The following RAB44 variants were observed in gnomAD, a reference collection of about 807,000 sequenced individuals.
RAB44 encodes the protein RAB44, member RAS oncogene family.
A neutral mutation model predicts 93.3 loss-of-function variants in RAB44; 67 were observed. The ratio of observed to expected loss-of-function variants is 0.72; its 90% CI spans 0.59 to 0.88. The LOEUF is 0.88. Among genes scored for constraint, RAB44 ranks in the 40% least tolerant of loss-of-function variants. The pLI, the probability that RAB44 is intolerant of heterozygous loss-of-function variation, is 0.00. For synonymous variants in RAB44, 427 were observed against 520.3 expected, an observed-to-expected ratio of 0.82 and a Z score of 2.44; for missense variants, 1,064 against 1,261.7, an observed-to-expected ratio of 0.84 and a Z score of 2.37.
At chr6:36,720,789 G>A (rs1370019948) in intron 8 of RAB44, among the ~76,000 whole-genome samples, 1 of 152,200 alleles carries the variant, frequency 6.6e-6, no homozygotes, top group Non-Finnish European at 1.5e-5. Context: ...ACATGCACAT[G>A]TGTGCATGTA....
rs1320021414 is a variant in RAB44, at chr6:36,721,831, C to A, written c.1697C>A (p.Pro566His). 2.4e-6 allele frequency: 3 copies of A among 1,234,664 alleles called. No homozygotes were observed. The allele number at this position is 1,234,664 out of a possible 1,614,324, so 76.5% of individuals were successfully genotyped here. A position where few individuals can be genotyped will look rare whatever the true frequency, so the allele number is the denominator to read the frequency against. The change falls in exon 9 of 14, where the codon CCC (proline) becomes CAC (histidine). Residue 566 changes from proline to histidine, a missense_variant. Coordinates refer to ENST00000612677, the MANE Select transcript of RAB44 (RefSeq NM_001257357.2). Reference protein sequence around the residue: ...PPTMTERETQPGPSPTTALTG... With the variant: ...PPTMTERETQHGPSPTTALTG... ...ACCATGACTGAGCGGGAAACCCAGC[C>A]CGGACCCTCACCCACAACTGCCCTC...
At chr6:36,724,179 A>ATTTT (rs1056678265) in intron 9 of RAB44, among the ~76,000 whole-genome samples, 3 of 143,752 alleles carry the variant, frequency 2.1e-5, no homozygotes, top group Non-Finnish European at 4.6e-5. Context: ...TTATTTATTT[A>ATTTT]TTTTTTGAGA....
rs532192815 is a variant in RAB44, at chr6:36,721,547, G to A, written c.1413G>A (p.Glu471=). Residue 471 remains glutamate (E), a synonymous_variant, in exon 9 of 14, where the codon GAG becomes GAA. Transcript: ENST00000612677. The part of the protein sequence containing the change: ...VEPHDPDPNQ[E]PGSTPEGRLL... Reference sequence around the variant, plus strand: ...CGCACGACCCGGACCCCAACCAGGAGCCAGGGTCCACACCCGAGGGCCGCC... The same window carrying A: ...CGCACGACCCGGACCCCAACCAGGAACCAGGGTCCACACCCGAGGGCCGCC... 4.1e-6 allele frequency: 5 copies of A among 1,234,484 alleles called. No individual in the cohort carries two copies. The African/African-American group carries it at 7.7e-5, about 19-fold the overall frequency. 76.5% of individuals were successfully genotyped at this position (1,234,484 alleles called of 1,614,324 possible).
rs1763097332 is a variant in RAB44 at position 36,721,956 on chromosome 6, A to AGAGCCCTCACCCTGGGGCCAGCT, written c.1830_1852dup (p.Phe618SerfsTer40). The AGAGCCCTCACCCTGGGGCCAGCT allele has an allele frequency of 8.1e-7, 1 of 1,234,484 alleles. No homozygotes were observed. Among genetic ancestry groups the AGAGCCCTCACCCTGGGGCCAGCT allele is most frequent in the African/African-American group, 1.6e-5 (1 of 64,506 alleles). 76.5% of individuals were successfully genotyped at this position (1,234,484 alleles called of 1,614,324 possible). On this transcript the variant is annotated frameshift_variant, in exon 9 of 14. Transcript: ENST00000612677. LOFTEE classifies it high-confidence loss of function. ...GCCAAGACTGGGGACCCAGAGGGCT[A>AGAGCCCTCACCCTGGGGCCAGCT]GAGCCCTCACCCTGGGGCCAGCTGA...
At chr6:36,727,000 C>T (rs1419567251) in intron 10 of RAB44, among the ~76,000 whole-genome samples, 1 of 130,568 alleles carries the variant, frequency 7.7e-6, no homozygotes, top group South Asian at 2.3e-4. Flanking sequence ...AGGGTTTCAC[C>T]ATGTTGGCCA....
Position 36,731,769 on chromosome 6 carries a change from G to C in RAB44, c.2976-234G>C, listed in dbSNP as rs1406377147. On this transcript the variant is annotated intron_variant, in intron 13 of 13. Transcript: ENST00000612677. This position sits in a 1 kb window ranked among gnomAD's most constrained non-coding sequence, Gnocchi z 4.0. ...TCACTACTCAAGGGAGGGAATGGTG[G>C]CTTCTTTGTCATAGTCAGAGTCCTG... Among the ~76,000 whole-genome samples the C allele has an allele frequency of 6.6e-6, 1 of 152,166 alleles. No homozygotes were observed. The highest frequency in any genetic ancestry group is 1.9e-4 in the East Asian group (1 of 5,192).
At chr6:36,720,767 G>A (rs1763053669) in intron 8 of RAB44, among the ~76,000 whole-genome samples, 1 of 152,174 alleles carries the variant, frequency 6.6e-6, no homozygotes, top group Admixed American at 6.5e-5. Flanking sequence ...AGGCCACATG[G>A]CTAGAAGTAA....
intron 1 of RAB44, among the ~76,000 whole-genome samples, chr6:36,701,929 A>G (rs1762518585): frequency 6.7e-6 from 1 of 150,228 alleles, no homozygotes. Context: ...ACCTTTTCCT[A>G]ATTCACTTAA....
At position 36,721,234 on chromosome 6, in the gene RAB44, A is replaced by G. The variant is rs1252422062; in HGVS notation, c.1100A>G (p.Asn367Ser). ...CCCCTGCCTGGGCTATTTGGGGACA[A>G]CGATGACTGGGACCAGCTACTGAGC... is the stretch of plus-strand genomic sequence containing the variant. ...EAPLPGLFGD[N>S]DDWDQLLSNF... The change falls in exon 9 of 14, where the codon AAC becomes AGC. Residue 367 changes from asparagine (N) to serine (S), a missense_variant. Coordinates refer to ENST00000612677, the MANE Select transcript of RAB44 (RefSeq NM_001257357.2). 5 of 1,226,780 alleles carry G rather than the reference A, an allele frequency of 4.1e-6. No homozygotes were observed. The African/African-American group carries it at 8.5e-5, about 21-fold the overall frequency. The allele number at this position is 1,226,780 out of a possible 1,614,324, so 76.0% of individuals were successfully genotyped here.
intron 9 of RAB44, among the ~76,000 whole-genome samples, chr6:36,724,085 G>A (rs1763171222): frequency 1.3e-5 from 2 of 151,932 alleles, no homozygotes; most frequent in African/African-American, 4.8e-5. Context: ...ACCTATAGCA[G>A]GCTGGCCTGA....
chr6:36,714,043 A>G (rs1436000972), intron 3 of RAB44, 104 bp downstream of exon 3: 6 of 726,160 alleles, frequency 8.3e-6, no homozygotes, highest in Non-Finnish European at 1.4e-5. Flanking sequence ...TTTCCCAGGG[A>G]CTTTCACCCC....
In RAB44 at chr6:36,725,939, G is replaced by A; in HGVS notation, c.2677G>A (p.Glu893Lys). Reference protein sequence around the residue: ...VLQLWDTAGQERYHSMTRQLL... With the variant: ...VLQLWDTAGQKRYHSMTRQLL... ...GCAGCTCTGGGACACAGCTGGCCAAGAGAGGTAACAGGCACTGTATATCAG... is the reference window on the plus strand; with the variant it reads ...GCAGCTCTGGGACACAGCTGGCCAAAAGAGGTAACAGGCACTGTATATCAG... The change falls in exon 10 of 14, where the codon GAG becomes AAG. Residue 893 changes from glutamate to lysine, a missense_variant. Coordinates refer to ENST00000612677, the MANE Select transcript of RAB44 (RefSeq NM_001257357.2). 1.3e-6 allele frequency: 2 copies of A among 1,550,634 alleles called. No homozygotes were observed. The highest frequency in any genetic ancestry group is 1.7e-6 in the Non-Finnish European group (2 of 1,146,892).
In RAB44 at chr6:36,731,563, G is replaced by A. The variant is rs1056881975; in HGVS notation, c.2976-440G>A. The stretch of plus-strand genomic sequence containing the variant: ...CTCCAAGCTCTCTCGGCACTGAGCC[G>A]CGCCATGGCCCTCTGCTTGGGATGC... On this transcript the variant is annotated intron_variant, in intron 13 of 13. Transcript: ENST00000612677. The surrounding 1 kb of genome is among the most constrained non-coding windows in gnomAD (Gnocchi z 4.0). 6.6e-6 allele frequency among the ~76,000 whole-genome samples: 1 copy of A among 151,994 alleles called. No homozygotes were observed. Among genetic ancestry groups the A allele is most frequent in the African/African-American group, 2.4e-5 (1 of 41,378 alleles).
rs1302055741 is a variant in RAB44, at chr6:36,713,889, A to T, written c.269A>T (p.Asp90Val). The T allele has an allele frequency of 6.5e-7, 1 of 1,535,940 alleles. No homozygotes were observed. ...TCAGAGATGATCTTCGACTGGGTGG[A>T]TGTGGAGCGGAAGGGACACCTGTCC... ...EESEMIFDWV[D>V]VERKGHLSLE... Residue 90 changes from aspartate to valine, a missense_variant, in exon 3 of 14, where the codon GAT (aspartate) becomes GTT (valine). By Grantham distance (152) the Asp-to-Val change is radical. Transcript: ENST00000612677.
chr6:36,707,404 A>G (rs943711100), intron 2 of RAB44, among the ~76,000 whole-genome samples: 4 of 152,188 alleles, frequency 2.6e-5, no homozygotes, highest in African/African-American at 9.7e-5. Context: ...GGTTAGAGAC[A>G]GCTCAAGAAG....
At chr6:36,699,512 G>GTCACCA (rs1056830708) in intron 1 of RAB44, among the ~76,000 whole-genome samples, 1 of 152,138 alleles carries the variant, frequency 6.6e-6, no homozygotes, top group Non-Finnish European at 1.5e-5. Flanking sequence ...GACATTGGGC[G>GTCACCA]TCACCACAGG....
In RAB44 at chr6:36,720,703, A is replaced by G. The variant is rs561156804; in HGVS notation, c.1016+153A>G. Among the ~76,000 whole-genome samples, 16 of 152,234 alleles carry G rather than the reference A, an allele frequency of 1.1e-4. No homozygotes were observed. In the East Asian group the frequency reaches 2.9e-3, roughly 28 times the overall value. On this transcript the variant is annotated intron_variant, in intron 8 of 13. Transcript: ENST00000612677. ...CCTCTGCCAAGCTGGAACTATCACA[A>G]CCATTTCTCAGATGAGGAAACTGGG... is the stretch of plus-strand genomic sequence containing the variant.
In RAB44 at chr6:36,723,936, C is replaced by T. The variant is rs373118543; in HGVS notation, c.2599+1203C>T. On this transcript the variant is annotated intron_variant, in intron 9 of 13. Transcript: ENST00000612677. Reference sequence around the variant, plus strand: ...CTTTGTATTAGACCAGGGCACATGCCGACTGGGGATCAGAGCCAGACCAGT... The same window carrying T: ...CTTTGTATTAGACCAGGGCACATGCTGACTGGGGATCAGAGCCAGACCAGT... Among the ~76,000 whole-genome samples, 150 of 151,166 alleles carry T rather than the reference C, an allele frequency of 9.9e-4. 2 individuals are homozygous for T. In the South Asian group the frequency reaches 0.025, roughly 25 times the overall value.
intron 1 of RAB44, among the ~76,000 whole-genome samples, chr6:36,702,578 T>C (rs1383389129): frequency 6.6e-6 from 1 of 152,232 alleles, no homozygotes. Context: ...CTCCTGGGCA[T>C]GAGCCTTACT....
Sources: gnomAD v4.1 joint callset for allele counts (sites outside exome capture counted in the v4.1 genomes callset) on GRCh38, gnomAD v4.1.1 for gene constraint, Gnocchi (gnomAD v3.1) non-coding constraint, MANE v1.5 for transcripts, NCBI Gene and HGNC (gene_info 2026-07-23, HGNC 2026-07-21) for gene names.